Variants in NR2E3 observed in about 807,000 individuals in gnomAD.
NR2E3 encodes nuclear receptor subfamily 2 group E member 3.
A neutral mutation model predicts 37.6 loss-of-function variants in NR2E3; 38 were observed. That is an observed-to-expected ratio of 1.01 (90% CI 0.78 to 1.33). NR2E3 has a LOEUF of 1.33. Among genes scored for constraint, NR2E3 ranks in the 40% most tolerant of loss-of-function variants. The pLI is 0.00. For synonymous variants in NR2E3, 235 were observed against 225.1 expected (o/e 1.04, Z -0.39); for missense variants, 562 against 558.7 (o/e 1.01, Z -0.06).
rs935372800 is a variant in NR2E3, at chr15:71,812,378, C to T, written c.614C>T (p.Pro205Leu). The T allele has an allele frequency of 6.2e-7, 1 of 1,613,960 alleles. No individual in the cohort carries two copies. Residue 205 changes from proline (P) to leucine (L), a missense_variant, in exon 5 of 8, where the codon CCC becomes CTC. Transcript: ENST00000617575. ...GTCACCAGCAATGACCCTGAGTTCCCCTCCTCTCCATACTCCTCTTCCTCC... is the reference window on the plus strand; with the variant it reads ...GTCACCAGCAATGACCCTGAGTTCCTCTCCTCTCCATACTCCTCTTCCTCC... ...IDVTSNDPEF[P>L]SSPYSSSSPC...
rs771404428 is a variant in NR2E3, at chr15:71,811,547, C to T, written c.183C>T (p.Ile61=). The change falls in exon 2 of 8, where the codon ATC becomes ATT. Residue 61 remains isoleucine (I), a synonymous_variant. Coordinates refer to ENST00000617575, the MANE Select transcript of NR2E3 (RefSeq NM_014249.4). The surrounding 1 kb of genome is among the most constrained non-coding windows in gnomAD (Gnocchi z 5.6). ...GCAGCAGCGGGAAGCACTATGGCAT[C>T]TATGCCTGCAACGGCTGCAGCGGCT... is the stretch of plus-strand genomic sequence containing the variant. ...GDSSSGKHYG[I]YACNGCSGFF... is the part of the protein sequence containing the mutation. 9 of 1,595,640 alleles carry T rather than the reference C, an allele frequency of 5.6e-6. No individual in the cohort carries two copies. In the East Asian group the frequency reaches 2.0e-4, roughly 36 times the overall value.
At position 71,812,046 on chromosome 15, in the gene NR2E3, G is replaced by A. The variant is rs1324435959; in HGVS notation, c.441G>A (p.Val147=). The change falls in exon 4 of 8, where the codon GTG becomes GTA. Residue 147 remains valine (V), a synonymous_variant. Coordinates refer to ENST00000617575, the MANE Select transcript of NR2E3 (RefSeq NM_014249.4). ...CTGAGTCCCGGCCGGAGTCCCTGGT[G>A]GCTCCCCCGGCCCCGGCAGGGCGCA... ...SNTESRPESL[V]APPAPAGRSP... The A allele has an allele frequency of 6.4e-7, 1 of 1,553,510 alleles. No homozygotes were observed. Among genetic ancestry groups the A allele is most frequent in the Non-Finnish European group, 8.7e-7 (1 of 1,148,650 alleles).
chr15:71,815,353 C>T (rs186596355), intron 7 of NR2E3, among the ~76,000 whole-genome samples: 60 of 152,304 alleles, frequency 3.9e-4, no homozygotes, highest in Non-Finnish European at 5.4e-4. Context: ...TTAAGAAAAG[C>T]CACAGTATAC....
Position 71,811,605 on chromosome 15 carries a change from T to TAC in NR2E3, c.243_244dup (p.Arg82ThrfsTer25). On this transcript the variant is annotated frameshift_variant, in exon 2 of 8. Transcript: ENST00000617575. LOFTEE classifies it high-confidence loss of function. This position sits in a 1 kb window ranked among gnomAD's most constrained non-coding sequence, Gnocchi z 5.6. ...GAGGAGCGTACGGCGGAGGCTCATC[T>TAC]ACAGGTGAGTGCGGTGGGCCCTGCT... 1 of 1,603,880 alleles carries TAC rather than the reference T, an allele frequency of 6.2e-7. No individual in the cohort carries two copies. Among genetic ancestry groups the TAC allele is most frequent in the Non-Finnish European group, 8.5e-7 (1 of 1,175,784 alleles).
chr15:71,812,282 C>T (rs2054190890), intron 4 of NR2E3, 54 bp from the exon 5 acceptor site: 4 of 1,612,486 alleles, frequency 2.5e-6, no homozygotes, highest in African/African-American at 1.3e-5. Context: ...TCCAAGTACT[C>T]CCTGCCACCT....
At chr15:71,815,044 A>G in intron 7 of NR2E3, 2 of 369,266 alleles carry the variant, frequency 5.4e-6, no homozygotes, top group Non-Finnish European at 7.5e-6. Flanking sequence ...TGCCAAGCAC[A>G]TGGATGGCCC....
At chr15:71,817,438 G>A (rs1677845465) in intron 7 of NR2E3, 114 bp from the exon 8 acceptor site, 1 of 1,372,106 alleles carries the variant, frequency 7.3e-7, no homozygotes, top group Non-Finnish European at 9.8e-7. Context: ...GACCCACTCT[G>A]GGGACCTCAT....
rs187541337 is a variant in NR2E3, at chr15:71,816,461, C to T, written c.1101-1091C>T. Among the ~76,000 whole-genome samples, 8 of 152,082 alleles carry T rather than the reference C, an allele frequency of 5.3e-5. No individual in the cohort carries two copies. The South Asian group carries it at 1.5e-3, about 28-fold the overall frequency. ...ATTTTTAGTAGAGACGGGGTTTCAC[C>T]GCATTAGCCAGGATGGTCTCGATCT... On this transcript the variant is annotated intron_variant, in intron 7 of 7. Coordinates refer to ENST00000617575, the MANE Select transcript of NR2E3 (RefSeq NM_014249.4).
In NR2E3 at chr15:71,812,065, G is replaced by T; in HGVS notation, c.460G>T (p.Gly154Trp). The T allele has an allele frequency of 6.4e-7, 1 of 1,553,258 alleles. No individual in the cohort carries two copies. Among genetic ancestry groups the T allele is most frequent in the Non-Finnish European group, 8.7e-7 (1 of 1,148,616 alleles). The part of the protein sequence containing the change: ...ESLVAPPAPA[G>W]RSPRGPTPMS... Reference sequence around the variant, plus strand: ...CCTGGTGGCTCCCCCGGCCCCGGCAGGGCGCAGCCCACGGGGCCCCACACC... The same window carrying T: ...CCTGGTGGCTCCCCCGGCCCCGGCATGGCGCAGCCCACGGGGCCCCACACC... Residue 154 changes from glycine to tryptophan, a missense_variant, in exon 4 of 8, where the codon GGG becomes TGG. Physicochemically the swap from Gly to Trp is radical, Grantham distance 184. Coordinates refer to ENST00000617575, the MANE Select transcript of NR2E3 (RefSeq NM_014249.4).
intron 5 of NR2E3, 44 bp downstream of exon 5, chr15:71,812,555 T>C: frequency 6.5e-7 from 1 of 1,538,936 alleles, no homozygotes; most frequent in Non-Finnish European, 8.8e-7. Flanking sequence ...TGGGCTGGGG[T>C]CAGGCGGCCC....
Position 71,813,251 on chromosome 15 carries a change from T to C in NR2E3, c.748-138T>C. Reference sequence around the variant, plus strand: ...GCCAAATCCCAGAGCTCTGAGCCTCTGGCTGATGTCAGGAGAGCATTCTCG... The same window carrying C: ...GCCAAATCCCAGAGCTCTGAGCCTCCGGCTGATGTCAGGAGAGCATTCTCG... On this transcript the variant is annotated intron_variant, in intron 5 of 7. Transcript: ENST00000617575. The surrounding 1 kb of genome is among the most constrained non-coding windows in gnomAD (Gnocchi z 4.7). 2 of 1,212,928 alleles carry C rather than the reference T, an allele frequency of 1.6e-6. No individual in the cohort carries two copies. The highest frequency in any genetic ancestry group is 2.9e-5 in the South Asian group (2 of 69,616). 75.1% of individuals were successfully genotyped at this position (1,212,928 alleles called of 1,614,324 possible). A position where few individuals can be genotyped will look rare whatever the true frequency, so the allele number is the denominator to read the frequency against.
In NR2E3 at chr15:71,817,603, A is replaced by G. The variant is rs376046141; in HGVS notation, c.1152A>G (p.Glu384=). The change falls in exon 8 of 8, where the codon GAA becomes GAG. Residue 384 remains glutamate, a synonymous_variant. Transcript: ENST00000617575. ...LLPSLRFITA[E]RIELLFFRKT... ...CGTCTTTGAGGTTTATCACTGCGGA[A>G]CGCATCGAGCTCCTCTTTTTCCGCA... 1.6e-5 allele frequency: 25 copies of G among 1,609,936 alleles called. No individual in the cohort carries two copies. Among genetic ancestry groups the G allele is most frequent in the Non-Finnish European group, 2.0e-5 (24 of 1,176,614 alleles).
rs1030283621 is a variant in NR2E3 at position 71,814,755 on chromosome 15, G to A, written c.1100+638G>A. On this transcript the variant is annotated intron_variant, in intron 7 of 7. Transcript: ENST00000617575. ...CTCACGCAGACTGGCATGGCCATGG[G>A]TCCAGAGGATACTACTGGGAAGGGG... 12 of 985,736 alleles carry A rather than the reference G, an allele frequency of 1.2e-5. No homozygotes were observed. In the South Asian group the frequency reaches 4.2e-4, roughly 35 times the overall value. The allele number at this position is 985,736 out of a possible 1,614,324, so 61.1% of individuals were successfully genotyped here.
Position 71,810,595 on chromosome 15 carries a change from G to C in NR2E3, c.-149G>C, listed in dbSNP as rs1345095622. 2 of 1,232,238 alleles carry C rather than the reference G, an allele frequency of 1.6e-6. No homozygotes were observed. Among genetic ancestry groups the C allele is most frequent in the Non-Finnish European group, 2.2e-6 (2 of 900,270 alleles). 76.3% of individuals were successfully genotyped at this position (1,232,238 alleles called of 1,614,324 possible). A position where few individuals can be genotyped will look rare whatever the true frequency, so the allele number is the denominator to read the frequency against. ...CAGAGCCTGTGCTGTGAGGGGCTTCGGGACCTTGGGGCAGCTCCTGAGTTC... is the reference window on the plus strand; with the variant it reads ...CAGAGCCTGTGCTGTGAGGGGCTTCCGGACCTTGGGGCAGCTCCTGAGTTC... On this transcript the variant is annotated 5_prime_UTR_variant, in exon 1 of 8. Transcript: ENST00000617575.
Position 71,817,951 on chromosome 15 carries a change from C to A in NR2E3, c.*267C>A. The stretch of plus-strand genomic sequence containing the variant: ...AATGAATTACGGATACATGTGGCAA[C>A]ACAGGTAAACTTCACAGACATAAAA... On this transcript the variant is annotated 3_prime_UTR_variant, in exon 8 of 8. Coordinates refer to ENST00000617575, the MANE Select transcript of NR2E3 (RefSeq NM_014249.4). The A allele has an allele frequency of 3.9e-6, 1 of 256,176 alleles. No individual in the cohort carries two copies. Among genetic ancestry groups the A allele is most frequent in the Non-Finnish European group, 7.6e-6 (1 of 131,984 alleles). The allele number at this position is 256,176 out of a possible 1,614,324, so 15.9% of individuals were successfully genotyped here.
rs1469461606 is a variant in NR2E3 at position 71,812,166 on chromosome 15, G to A, written c.561G>A (p.Glu187=). 7 of 1,579,720 alleles carry A rather than the reference G, an allele frequency of 4.4e-6. No homozygotes were observed. The highest frequency in any genetic ancestry group is 6.0e-6 in the Non-Finnish European group (7 of 1,163,510). Residue 187 remains glutamate, a synonymous_variant, in exon 4 of 8, where the codon GAG becomes GAA. Transcript: ENST00000617575. ...LITAETCAKL[E]PEDADENIDV... ...CAGCTGAAACCTGTGCTAAGCTGGA[G>A]CCAGAGGATGGTGAGTGGGAGAGCA...
In NR2E3 at chr15:71,811,390, G is replaced by A. The variant is rs1013710670; in HGVS notation, c.119-93G>A. On this transcript the variant is annotated intron_variant, in intron 1 of 7. Transcript: ENST00000617575. The surrounding 1 kb of genome is among the most constrained non-coding windows in gnomAD (Gnocchi z 5.6). The stretch of plus-strand genomic sequence containing the variant: ...TCAAATGCGGGTGAGCGGGGCCTGA[G>A]GACTGGGAAAGGGACCCGAGGGAAG... The A allele has an allele frequency of 1.6e-6, 2 of 1,227,988 alleles. No homozygotes were observed. The highest frequency in any genetic ancestry group is 3.0e-5 in the African/African-American group (2 of 66,394). The allele number at this position is 1,227,988 out of a possible 1,614,324, so 76.1% of individuals were successfully genotyped here.
At position 71,813,578 on chromosome 15, in the gene NR2E3, T is replaced by C. The variant is rs756150875; in HGVS notation, c.937T>C (p.Leu313=). 6.2e-6 allele frequency: 10 copies of C among 1,613,870 alleles called. No individual in the cohort carries two copies. Among genetic ancestry groups the C allele is most frequent in the South Asian group, 2.2e-5 (2 of 91,088 alleles). ...GGAAACTATCTCTCGGTTCCGGGCA[T>C]TGGCGGTGGACCCCACGGAGTTTGC... ...LQETISRFRA[L]AVDPTEFACM... is the part of the protein sequence containing the mutation. The change falls in exon 6 of 8, where the codon TTG becomes CTG. Residue 313 remains leucine, a synonymous_variant. Coordinates refer to ENST00000617575, the MANE Select transcript of NR2E3 (RefSeq NM_014249.4). The surrounding 1 kb of genome is among the most constrained non-coding windows in gnomAD (Gnocchi z 4.7).
chr15:71,812,150 C>G lies in NR2E3; in HGVS notation c.545C>G (p.Thr182Ser), dbSNP rs1452965293. 6.4e-7 allele frequency: 1 copy of G among 1,569,798 alleles called. No homozygotes were observed. Among genetic ancestry groups the G allele is most frequent in the East Asian group, 2.4e-5 (1 of 42,280 alleles). The change falls in exon 4 of 8, where the codon ACC (threonine) becomes AGC (serine). Residue 182 changes from threonine (T) to serine (S), a missense_variant. By Grantham distance (58) the Thr-to-Ser change is moderately conservative (BLOSUM62 1). Coordinates refer to ENST00000617575, the MANE Select transcript of NR2E3 (RefSeq NM_014249.4). ...HFMASLITAETCAKLEPEDAD... is the reference protein window; with the variant it reads ...HFMASLITAESCAKLEPEDAD... ...ATGGCCAGCCTTATAACAGCTGAAA[C>G]CTGTGCTAAGCTGGAGCCAGAGGAT... is the stretch of plus-strand genomic sequence containing the variant.
Sources: allele counts gnomAD v4.1 joint callset (sites outside exome capture counted in the v4.1 genomes callset), GRCh38; gene constraint gnomAD v4.1.1; non-coding constraint Gnocchi (gnomAD v3.1); transcripts MANE v1.5; gene names NCBI Gene and HGNC (gene_info 2026-07-23, HGNC 2026-07-21).